Variants in DPP6 observed in about 807,000 individuals in gnomAD.
DPP6 encodes A-type potassium channel modulatory protein DPP6.
A neutral mutation model predicts 122.6 loss-of-function variants in DPP6; 69 were observed. The ratio of observed to expected loss-of-function variants is 0.56; its 90% CI spans 0.46 to 0.69. The LOEUF (loss-of-function observed/expected upper bound fraction) is 0.69. Among genes scored for constraint, DPP6 ranks in the 30% least tolerant of loss-of-function variants. DPP6 has a pLI of 0.00. For missense variants in DPP6, 928 were observed against 1,116.9 expected, an observed-to-expected ratio of 0.83 and a Z score of 2.41; for synonymous variants, 418 against 433.1, an observed-to-expected ratio of 0.97 and a Z score of 0.43.
At chr7:154,003,920 G>A (rs1472442493) in intron 1 of DPP6, among the ~76,000 whole-genome samples, 30 of 152,228 alleles carry the variant, frequency 2.0e-4, no homozygotes, top group Admixed American at 9.2e-4. Flanking sequence ...CAAAGAATGG[G>A]GAAATAGGCT....
In DPP6 at chr7:154,801,414, C is replaced by G. The variant is rs1297810378; in HGVS notation, c.1359C>G (p.Pro453=). ...GRKFFFIRAI[P]QGGRGKFYHI... ...AGTTTTTCTTCATCAGAGCCATCCCCCAGGGAGGACGAGGGAAATTCTATC... is the reference window on the plus strand; with the variant it reads ...AGTTTTTCTTCATCAGAGCCATCCCGCAGGGAGGACGAGGGAAATTCTATC... Residue 453 remains proline (P), a synonymous_variant, in exon 13 of 26, where the codon CCC becomes CCG. Transcript: ENST00000377770. The G allele has an allele frequency of 3.1e-6, 5 of 1,596,218 alleles. No individual in the cohort carries two copies. The African/African-American group carries it at 6.7e-5, about 21-fold the overall frequency.
chr7:154,465,340 A>G (rs1376014287), intron 2 of DPP6, among the ~76,000 whole-genome samples: 1 of 152,232 alleles, frequency 6.6e-6, no homozygotes, highest in Non-Finnish European at 1.5e-5. Flanking sequence ...AAATGCAACA[A>G]AAGCCAAAAT....
chr7:154,537,102 T>C (rs1291061169), intron 3 of DPP6, among the ~76,000 whole-genome samples: 1 of 152,132 alleles, frequency 6.6e-6, no homozygotes, highest in East Asian at 1.9e-4. Flanking sequence ...TCAAAATATT[T>C]TATATATAAA....
intron 21 of DPP6, chr7:154,881,201 A>G: frequency 2.2e-6 from 1 of 464,982 alleles, no homozygotes; most frequent in South Asian, 8.1e-5. Context: ...GCTCTAATAC[A>G]TTCCTAATGA....
Position 154,044,817 on chromosome 7 carries a change from A to AT in DPP6, c.51+157090dup, listed in dbSNP as rs539966045. ...TTATTGATTTTTAATTAAGGACAGG[A>AT]TTTTTTTATTGCATTGAAAAAGCAA... On this transcript the variant is annotated intron_variant, in intron 1 of 25. Transcript: ENST00000404039. 1.7e-4 allele frequency among the ~76,000 whole-genome samples: 26 copies of AT among 152,286 alleles called. 1 individual carries two copies. The highest frequency in any genetic ancestry group is 1.3e-3 in the Admixed American group (20 of 15,294).
Position 153,999,683 on chromosome 7 carries a change from G to A in DPP6, c.51+111949G>A, listed in dbSNP as rs891625622. On this transcript the variant is annotated intron_variant, in intron 1 of 25. Coordinates refer to the DPP6 transcript ENST00000404039. ...GATACATTAAAAGAAACTTGGCAGT[G>A]GGGGGTGGCTCACGCCTATAATCCC... Among the ~76,000 whole-genome samples, 7 of 152,218 alleles carry A rather than the reference G, an allele frequency of 4.6e-5. 1 individual carries two copies. The highest frequency in any genetic ancestry group is 3.9e-4 in the Admixed American group (6 of 15,276).
At chr7:154,357,476 T>A (rs891938215) in intron 1 of DPP6, among the ~76,000 whole-genome samples, 1 of 152,180 alleles carries the variant, frequency 6.6e-6, no homozygotes, top group African/African-American at 2.4e-5. Flanking sequence ...AAATGTTGCC[T>A]TTTTACATCC....
At chr7:154,591,802 T>C (rs537282362) in intron 5 of DPP6, among the ~76,000 whole-genome samples, 1 of 152,310 alleles carries the variant, frequency 6.6e-6, no homozygotes, top group East Asian at 1.9e-4. Flanking sequence ...CATCCCACCA[T>C]GGACAGGTTC....
rs549422498 is a variant in DPP6, at chr7:154,341,688, G to A, written c.244-104526G>A. The stretch of plus-strand genomic sequence containing the variant: ...TGTCCCTTCTGTTTAGTCTTGGGGT[G>A]TGTATGCATGTGTGTACGTGTGTTT... On this transcript the variant is annotated intron_variant, in intron 1 of 25. Transcript: ENST00000377770. Among the ~76,000 whole-genome samples the A allele has an allele frequency of 1.8e-3, 274 of 151,856 alleles. 1 individual carries two copies. The highest frequency in any genetic ancestry group is 6.3e-3 in the African/African-American group (261 of 41,410).
chr7:154,729,196 A>G (rs1439696672), intron 8 of DPP6, among the ~76,000 whole-genome samples: 2 of 152,110 alleles, frequency 1.3e-5, no homozygotes, highest in African/African-American at 4.8e-5. Context: ...CTGATGAACA[A>G]CCCAAGCTCT....
chr7:154,075,166 A>G (rs1803468459), intron 1 of DPP6, among the ~76,000 whole-genome samples: 1 of 151,950 alleles, frequency 6.6e-6, no homozygotes, highest in Non-Finnish European at 1.5e-5. Flanking sequence ...AGATGTTGGC[A>G]TGGATATGGT....
At chr7:153,972,526 C>A (rs1377759377) in intron 1 of DPP6, among the ~76,000 whole-genome samples, 1 of 150,880 alleles carries the variant, frequency 6.6e-6, no homozygotes, top group African/African-American at 2.4e-5. Flanking sequence ...CAGACTGAAG[C>A]AATTTAGGCA....
chr7:154,745,252 C>T (rs1406159967), intron 8 of DPP6, among the ~76,000 whole-genome samples: 1 of 152,170 alleles, frequency 6.6e-6, no homozygotes, highest in Non-Finnish European at 1.5e-5. Context: ...GTGGAGTGGG[C>T]TCAACATCAC....
rs137998503 is a variant in DPP6, at chr7:154,613,276, A to G, written c.628-24545A>G. Among the ~76,000 whole-genome samples, 126 of 152,232 alleles carry G rather than the reference A, an allele frequency of 8.3e-4. 1 individual carries two copies. Among genetic ancestry groups the G allele is most frequent in the African/African-American group, 2.8e-3 (116 of 41,534 alleles). On this transcript the variant is annotated intron_variant, in intron 5 of 25. Coordinates refer to ENST00000377770, the MANE Select transcript of DPP6 (RefSeq NM_130797.4). ...TATTTGAATGTTGTTTTGTTTATTG[A>G]ATAACCATAAACCAAGGAGTTAAGG...
chr7:154,538,400 C>G (rs546635024), intron 3 of DPP6, among the ~76,000 whole-genome samples: 2 of 152,192 alleles, frequency 1.3e-5, no homozygotes, highest in East Asian at 3.9e-4. Flanking sequence ...CTCCTCCTGA[C>G]CCCTGCAACA....
intron 1 of DPP6, among the ~76,000 whole-genome samples, chr7:153,996,879 C>G (rs527995175): frequency 1.6e-4 from 25 of 152,200 alleles, no homozygotes; most frequent in Non-Finnish European, 2.6e-4. Flanking sequence ...CCAATCATGT[C>G]TATGTATGTT....
intron 1 of DPP6, among the ~76,000 whole-genome samples, chr7:154,100,847 CT>C (rs1805677056): frequency 7.1e-6 from 1 of 140,730 alleles, no homozygotes. Flanking sequence ...ACTTTCCCTT[CT>C]GTCTGCACTT....
chr7:154,475,324 A>G (rs919979317), intron 3 of DPP6: 1 of 396,464 alleles, frequency 2.5e-6, no homozygotes, highest in African/African-American at 2.1e-5. Flanking sequence ...TCCCAGAGAC[A>G]TCATTTCTCC....
intron 7 of DPP6, among the ~76,000 whole-genome samples, chr7:154,704,565 C>T (rs1467318820): frequency 6.6e-6 from 1 of 152,178 alleles, no homozygotes; most frequent in East Asian, 1.9e-4. Context: ...TAAGAAATTA[C>T]CAGTTATCCC....
Sources: allele counts gnomAD v4.1 joint callset (sites outside exome capture counted in the v4.1 genomes callset), GRCh38; gene constraint gnomAD v4.1.1; transcripts MANE v1.5; gene names NCBI Gene and HGNC (gene_info 2026-07-23, HGNC 2026-07-21).